MTUS1: variants seen among roughly 807,000 people sequenced by gnomAD.
MTUS1 encodes the protein microtubule-associated tumor suppressor 1.
In MTUS1, 109 loss-of-function variants were observed where a neutral mutation model predicts 120.8. The observed-to-expected ratio is 0.90, with a 90% CI of 0.77 to 1.06. The LOEUF (loss-of-function observed/expected upper bound fraction) is 1.06, where lower values mean the gene tolerates loss of function less well. Ranked by LOEUF, MTUS1 falls within the 50% of genes least tolerant of loss-of-function variation. The pLI, the probability that MTUS1 is intolerant of heterozygous loss-of-function variation, is 0.00. For missense variants in MTUS1, 2,210 were observed against 1,486.3 expected, an observed-to-expected ratio of 1.49 and a Z score of -8.01; for synonymous variants, 737 against 550.5, an observed-to-expected ratio of 1.34 and a Z score of -4.74.
At chr8:17,676,719 C>T (rs1813203352) in intron 7 of MTUS1, among the ~76,000 whole-genome samples, 1 of 152,154 alleles carries the variant, frequency 6.6e-6, no homozygotes, top group South Asian at 2.1e-4. Flanking sequence ...CCTTTTTCTT[C>T]CCCTCTCTAA....
chr8:17,801,437 C>A (rs2131634263), upstream of MTUS1: 1 of 151,882 alleles, frequency 6.6e-6, no homozygotes, highest in Admixed American at 6.5e-5. Context: ...CCTCGGGGAA[C>A]CTGAATGACG....
chr8:17,688,561 A>C (rs1246270285), intron 6 of MTUS1, among the ~76,000 whole-genome samples: 1 of 152,132 alleles, frequency 6.6e-6, no homozygotes, highest in Admixed American at 6.6e-5. Context: ...ACAGACAGAA[A>C]ATTCCCTTTT....
chr8:17,760,079 G>C (rs888617030), intron 1 of MTUS1, among the ~76,000 whole-genome samples: 2 of 146,154 alleles, frequency 1.4e-5, no homozygotes, highest in African/African-American at 2.5e-5. Flanking sequence ...TTTTTAGCAC[G>C]GTGGTGCATG....
At chr8:17,776,326 T>G (rs2050429457) in intron 1 of MTUS1, among the ~76,000 whole-genome samples, 1 of 151,204 alleles carries the variant, frequency 6.6e-6, no homozygotes. Context: ...ATTTTGGTAT[T>G]GACGGTGGGG....
chr8:17,748,825 G>T (rs1393196592), intron 2 of MTUS1, among the ~76,000 whole-genome samples: 2 of 152,102 alleles, frequency 1.3e-5, no homozygotes, highest in African/African-American at 4.8e-5. Flanking sequence ...CTCAGACAGG[G>T]TCTCTTTTTT....
intron 7 of MTUS1, among the ~76,000 whole-genome samples, chr8:17,678,548 G>A (rs1432034418): frequency 6.6e-6 from 1 of 152,136 alleles, no homozygotes; most frequent in Non-Finnish European, 1.5e-5. Context: ...CCACTGAGTA[G>A]CATCAACAGC....
At chr8:17,648,098 A>G (rs747219140) in intron 13 of MTUS1, among the ~76,000 whole-genome samples, 4 of 152,214 alleles carry the variant, frequency 2.6e-5, no homozygotes, top group Non-Finnish European at 5.9e-5. Context: ...ATTGTCCTTT[A>G]AATATCTCAT....
At chr8:17,765,699 C>CAG (rs2049431249) in intron 1 of MTUS1, among the ~76,000 whole-genome samples, 1 of 150,212 alleles carries the variant, frequency 6.7e-6, no homozygotes, top group Non-Finnish European at 1.5e-5. Context: ...CACACACACA[C>CAG]ACACACACAC....
At chr8:17,712,830 A>C (rs392557) in intron 6 of MTUS1, among the ~76,000 whole-genome samples, 7,768 of 152,044 alleles carry the variant, frequency 0.051, 274 homozygotes, top group East Asian at 0.1. Context: ...GAAAAAAAAA[A>C]CATAAAAATA....
chr8:17,688,116 G>C (rs1028387968), intron 6 of MTUS1, among the ~76,000 whole-genome samples: 4 of 152,208 alleles, frequency 2.6e-5, no homozygotes, highest in African/African-American at 9.6e-5. Flanking sequence ...GACCTACTGA[G>C]GGAGTTTGCC....
intron 6 of MTUS1, among the ~76,000 whole-genome samples, chr8:17,695,120 C>T (rs571921189): frequency 6.6e-6 from 1 of 152,304 alleles, no homozygotes; most frequent in African/African-American, 2.4e-5. Context: ...GCATGAATTA[C>T]CCACTTGACG....
At chr8:17,772,162 A>T (rs1025314744) in intron 1 of MTUS1, among the ~76,000 whole-genome samples, 4 of 152,314 alleles carry the variant, frequency 2.6e-5, no homozygotes, top group African/African-American at 9.6e-5. Flanking sequence ...ATAAAACTCT[A>T]ATTTTTATCC....
chr8:17,754,484 C>T lies in MTUS1; in HGVS notation c.1324G>A (p.Val442Ile). ...VLEPTKVTFS[V>I]SPIEATEKCK... is the part of the protein sequence containing the mutation. ...TTCTCCGTCGCTTCAATCGGTGAAACAGAAAAGGTTACTTTTGTGGGTTCT... is the reference window on the plus strand; with the variant it reads ...TTCTCCGTCGCTTCAATCGGTGAAATAGAAAAGGTTACTTTTGTGGGTTCT... The change falls in exon 2 of 15, where the codon GTT (valine) becomes ATT (isoleucine). Residue 442 changes from valine (V) to isoleucine (I), a missense_variant. Physicochemically the swap from Val to Ile is conservative, Grantham distance 29 (BLOSUM62 3). Coordinates refer to ENST00000693296, the MANE Select transcript of MTUS1 (RefSeq NM_001363059.2). 3.7e-6 allele frequency: 6 copies of T among 1,614,200 alleles called. No homozygotes were observed. The highest frequency in any genetic ancestry group is 5.1e-6 in the Non-Finnish European group (6 of 1,180,032).
chr8:17,698,362 A>G (rs1337641241), intron 6 of MTUS1, among the ~76,000 whole-genome samples: 3 of 135,848 alleles, frequency 2.2e-5, no homozygotes, highest in South Asian at 2.6e-4. Flanking sequence ...GTGGCTTGTA[A>G]AAGTATGTTA....
intron 3 of MTUS1, among the ~76,000 whole-genome samples, chr8:17,735,691 T>C (rs999309654): frequency 2.6e-5 from 4 of 152,232 alleles, no homozygotes; most frequent in African/African-American, 9.6e-5. Context: ...CACAACAAGT[T>C]AGTGTTGCTC....
intron 3 of MTUS1, among the ~76,000 whole-genome samples, chr8:17,727,054 A>G (rs2131142929): frequency 6.6e-6 from 1 of 152,226 alleles, no homozygotes; most frequent in East Asian, 1.9e-4. Flanking sequence ...CGGCAACCAA[A>G]TATCATTTCC....
At chr8:17,698,528 A>G (rs1273238122) in intron 6 of MTUS1, among the ~76,000 whole-genome samples, 1 of 152,230 alleles carries the variant, frequency 6.6e-6, no homozygotes, top group East Asian at 1.9e-4. Flanking sequence ...AATGTTTTAA[A>G]AATGTCCTAT....
chr8:17,784,004 T>C (rs936403891), intron 1 of MTUS1, among the ~76,000 whole-genome samples: 1 of 152,122 alleles, frequency 6.6e-6, no homozygotes, highest in Non-Finnish European at 1.5e-5. Context: ...ACTCACCCAA[T>C]TGAGATTTGT....
chr8:17,662,481 G>A (rs1013929437), intron 8 of MTUS1, among the ~76,000 whole-genome samples: 5 of 148,752 alleles, frequency 3.4e-5, no homozygotes, highest in East Asian at 4.0e-4. Flanking sequence ...ACAGCCTCCC[G>A]AGTAGCTGGG....
Sources: gnomAD v4.1 joint callset for allele counts (sites outside exome capture counted in the v4.1 genomes callset) on GRCh38, gnomAD v4.1.1 for gene constraint, MANE v1.5 for transcripts, NCBI Gene and HGNC (gene_info 2026-07-23, HGNC 2026-07-21) for gene names.